The following EPS8L2 variants were observed in gnomAD, a reference collection of about 807,000 sequenced individuals.
The protein encoded by EPS8L2 is epidermal growth factor receptor kinase substrate 8-like protein 2.
EPS8L2 carries 81 observed loss-of-function variants against 99.4 expected under a neutral mutation model. The ratio of observed to expected loss-of-function variants is 0.82; its 90% CI spans 0.68 to 0.98. The LOEUF (loss-of-function observed/expected upper bound fraction) is 0.98. Among genes scored for constraint, EPS8L2 ranks in the 50% least tolerant of loss-of-function variants. The pLI is 0.00. For synonymous variants in EPS8L2, 509 were observed against 407.3 expected (o/e 1.25, Z -3.01); for missense variants, 1,155 against 968.8 (o/e 1.19, Z -2.55).
chr11:709,276 G>A, intron 1 of EPS8L2, 54 bp from the exon 2 acceptor site: 7 of 1,124,354 alleles, frequency 6.2e-6, no homozygotes, highest in Non-Finnish European at 8.9e-6. Flanking sequence ...GGGAAGGAGG[G>A]GAGGAACCAG....
chr11:719,924 A>C (rs952958675), intron 4 of EPS8L2, 138 bp from the exon 5 acceptor site: 22 of 708,198 alleles, frequency 3.1e-5, no homozygotes, highest in Non-Finnish European at 4.2e-5. Context: ...CCCCCACCAA[A>C]GGCGGGGCCG....
intron 18 of EPS8L2, 62 bp downstream of exon 18, chr11:726,232 G>T (rs1384551521): frequency 2.4e-5 from 35 of 1,460,140 alleles, no homozygotes; most frequent in Non-Finnish European, 2.9e-5. Context: ...GAGGAAGTGT[G>T]GGGGGGGTCC....
rs559190767 is a variant in EPS8L2 at position 724,574 on chromosome 11, C to T, written c.1455-150C>T. On this transcript the variant is annotated intron_variant, in intron 15 of 20. Transcript: ENST00000318562. This position sits in a 1 kb window ranked among gnomAD's most constrained non-coding sequence, Gnocchi z 5.5. The stretch of plus-strand genomic sequence containing the variant: ...TGTCACAGTTTCCATTCCGGGCTGA[C>T]GCTGCCTGCAGCCTCTCTCCACGGT... 8 of 623,610 alleles carry T rather than the reference C, an allele frequency of 1.3e-5. No individual in the cohort carries two copies. Among genetic ancestry groups the T allele is most frequent in the African/African-American group, 5.5e-5 (3 of 54,610 alleles). The allele number at this position is 623,610 out of a possible 1,614,324, so 38.6% of individuals were successfully genotyped here. A position where few individuals can be genotyped will look rare whatever the true frequency, so the allele number is the denominator to read the frequency against.
At chr11:726,020 C>T in intron 17 of EPS8L2, 78 bp from the exon 18 acceptor site, 1 of 825,622 alleles carries the variant, frequency 1.2e-6, no homozygotes, top group Non-Finnish European at 1.7e-6. Flanking sequence ...GGGGGATTGG[C>T]GGGGTGGGGA....
chr11:726,440 G>C lies in EPS8L2; in HGVS notation c.1890G>C (p.Pro630=). Residue 630 remains proline (P), a synonymous_variant, in exon 19 of 21, where the codon CCG becomes CCC. Transcript: ENST00000318562. ...AGCCGCTCACCTACGAGTCGGGTCC[G>C]GACGAGGTCCGCGCCTGGCTGGAAG... The part of the protein sequence containing the change: ...VSQPLTYESG[P]DEVRAWLEAK... The C allele has an allele frequency of 6.3e-7, 1 of 1,592,500 alleles. No homozygotes were observed. The highest frequency in any genetic ancestry group is 8.5e-7 in the Non-Finnish European group (1 of 1,171,076).
chr11:721,991 G>A lies in EPS8L2; in HGVS notation c.984G>A (p.Leu328=). The A allele has an allele frequency of 6.2e-7, 1 of 1,605,438 alleles. No homozygotes were observed. The highest frequency in any genetic ancestry group is 1.1e-5 in the South Asian group (1 of 90,168). ...AAATCAAGCTGGCGATTAACTTGCT[G>A]GTGGGTCCGGTGGCCCCAGCCCTGC... ...FQKIKLAINL[L]AKLQKHIQNP... Residue 328 remains leucine (L), a splice_region_variant and synonymous_variant, in exon 11 of 21, where the codon CTG becomes CTA. Coordinates refer to ENST00000318562, the MANE Select transcript of EPS8L2 (RefSeq NM_022772.4).
Position 721,974 on chromosome 11 carries a change from C to G in EPS8L2, c.967C>G (p.Leu323Val), listed in dbSNP as rs374778020. Residue 323 changes from leucine (L) to valine (V), a missense_variant, in exon 11 of 21, where the codon CTG becomes GTG. Physicochemically the swap from Leu to Val is conservative, Grantham distance 32 (BLOSUM62 1). Coordinates refer to ENST00000318562, the MANE Select transcript of EPS8L2 (RefSeq NM_022772.4). ...EFIDCFQKIKLAINLLAKLQK... is the reference protein window; with the variant it reads ...EFIDCFQKIKVAINLLAKLQK... ...CATCGACTGCTTCCAGAAAATCAAG[C>G]TGGCGATTAACTTGCTGGTGGGTCC... 6.2e-6 allele frequency: 10 copies of G among 1,605,106 alleles called. No homozygotes were observed. The highest frequency in any genetic ancestry group is 8.5e-6 in the Non-Finnish European group (10 of 1,175,978).
chr11:709,958 T>G, intron 3 of EPS8L2: 1 of 430,748 alleles, frequency 2.3e-6, no homozygotes, highest in Non-Finnish European at 4.3e-6. Flanking sequence ...CCCCCCACTC[T>G]GCCCTTCCCC....
chr11:711,993 A>G (rs1316418755), intron 4 of EPS8L2, among the ~76,000 whole-genome samples: 5 of 149,722 alleles, frequency 3.3e-5, no homozygotes, highest in East Asian at 2.0e-4. Flanking sequence ...AAAAAAGAGA[A>G]AAAAAAAAGG....
Position 722,677 on chromosome 11 carries a change from G to C in EPS8L2, c.1213G>C (p.Glu405Gln). Residue 405 changes from glutamate (E) to glutamine (Q), a missense_variant, in exon 14 of 21, where the codon GAG (glutamate) becomes CAG (glutamine). Glu to Gln is a conservative substitution (Grantham distance 29). Coordinates refer to ENST00000318562, the MANE Select transcript of EPS8L2 (RefSeq NM_022772.4). ...LGESWMRPRSEWPREPQVPLY... is the reference protein window; with the variant it reads ...LGESWMRPRSQWPREPQVPLY... ...CTTCAGGACCTCTCACCCCAGTTCC[G>C]AGTGGCCGCGGGAGCCACAGGTGCC... is the stretch of plus-strand genomic sequence containing the variant. 1 of 1,607,032 alleles carries C rather than the reference G, an allele frequency of 6.2e-7. No homozygotes were observed. The highest frequency in any genetic ancestry group is 8.5e-7 in the Non-Finnish European group (1 of 1,177,618).
At position 726,751 on chromosome 11, in the gene EPS8L2, G is replaced by A. The variant is rs751480065; in HGVS notation, c.2067G>A (p.Glu689=). 2.0e-5 allele frequency: 31 copies of A among 1,588,540 alleles called. No individual in the cohort carries two copies. Among genetic ancestry groups the A allele is most frequent in the Admixed American group, 3.6e-5 (2 of 55,394 alleles). Residue 689 remains glutamate, a splice_region_variant and synonymous_variant, in exon 20 of 21, where the codon GAG becomes GAA. Coordinates refer to ENST00000318562, the MANE Select transcript of EPS8L2 (RefSeq NM_022772.4). ...TCACCATGCAGAAGGCCTTCCTGGA[G>A]GTGAGCCCGCCTGCGCTCCGGCGCC... ...SQLTMQKAFL[E]KQQSGSELEE...
At chr11:718,812 G>A (rs1329027066) in intron 4 of EPS8L2, among the ~76,000 whole-genome samples, 3 of 151,568 alleles carry the variant, frequency 2.0e-5, no homozygotes, top group African/African-American at 7.3e-5. Context: ...GGGACTATAG[G>A]CGCCTGCCAC....
At chr11:712,661 C>T (rs1324162029) in intron 4 of EPS8L2, among the ~76,000 whole-genome samples, 2 of 152,252 alleles carry the variant, frequency 1.3e-5, no homozygotes, top group Non-Finnish European at 2.9e-5. Context: ...TGCTGTCCTC[C>T]ACACCTGCAG....
chr11:724,624 G>C lies in EPS8L2; in HGVS notation c.1455-100G>C. 2.5e-6 allele frequency: 2 copies of C among 789,292 alleles called. No homozygotes were observed. The highest frequency in any genetic ancestry group is 4.4e-6 in the Non-Finnish European group (2 of 453,264). The allele number at this position is 789,292 out of a possible 1,614,324, so 48.9% of individuals were successfully genotyped here. On this transcript the variant is annotated intron_variant, in intron 15 of 20. Coordinates refer to ENST00000318562, the MANE Select transcript of EPS8L2 (RefSeq NM_022772.4). The surrounding 1 kb of genome is among the most constrained non-coding windows in gnomAD (Gnocchi z 5.5). ...TGACCTCCAGAACAGAAAAGAGGCA[G>C]CCAGTCGTGCACCTGGGAAGCTGCT...
At chr11:711,149 G>A (rs10902203) in intron 4 of EPS8L2, among the ~76,000 whole-genome samples, 20,281 of 152,120 alleles carry the variant, frequency 0.13, 1,513 homozygotes, top group Middle Eastern at 0.22. Context: ...TGCACGCGCC[G>A]GACCAGCCGC....
chr11:722,936 TGCTCCCCTCCCCAGC>T, intron 14 of EPS8L2, 131 bp downstream of exon 14: 3 of 216,146 alleles, frequency 1.4e-5, no homozygotes, highest in South Asian at 1.0e-4. Flanking sequence ...CCCTCCCCAG[TGCTCCCCTCCCCAGC>T]CCCGACACCC....
chr11:720,981 G>GGCAGGGAGGGAGGGGAGGAGCCC, intron 7 of EPS8L2, 72 bp downstream of exon 7: 1 of 1,375,926 alleles, frequency 7.3e-7, no homozygotes, highest in South Asian at 1.3e-5. Context: ...GGGAGGAGCC[G>GGCAGGGAGGGAGGGGAGGAGCCC]GCAGGGGAGG....
chr11:716,462 G>A (rs1370951443), intron 4 of EPS8L2, among the ~76,000 whole-genome samples: 3 of 152,036 alleles, frequency 2.0e-5, no homozygotes, highest in Admixed American at 6.6e-5. Context: ...TTGCCATGTT[G>A]GCCCAGCTGG....
rs756468233 is a variant in EPS8L2 at position 721,115 on chromosome 11, G to A, written c.609G>A (p.Gln203=). The A allele has an allele frequency of 2.6e-6, 4 of 1,533,968 alleles. No homozygotes were observed. The highest frequency in any genetic ancestry group is 2.6e-6 in the Non-Finnish European group (3 of 1,142,692). ...RQRQSILPPP[Q]GPAPIPFQHR... is the part of the protein sequence containing the mutation. ...GGCAGTCCATCCTGCCTCCTCCCCA[G>A]GGCCCGGCGCCCATCCCCTTCCAGC... Residue 203 remains glutamine, a synonymous_variant, in exon 8 of 21, where the codon CAG becomes CAA. Coordinates refer to ENST00000318562, the MANE Select transcript of EPS8L2 (RefSeq NM_022772.4).
Sources: allele counts gnomAD v4.1 joint callset (sites outside exome capture counted in the v4.1 genomes callset), GRCh38; gene constraint gnomAD v4.1.1; non-coding constraint Gnocchi (gnomAD v3.1); transcripts MANE v1.5; gene names NCBI Gene and HGNC (gene_info 2026-07-23, HGNC 2026-07-21).